TACC1: variants seen among roughly 807,000 people sequenced by gnomAD.
The protein encoded by TACC1 is transforming acidic coiled-coil-containing protein 1.
A neutral mutation model predicts 84.4 loss-of-function variants in TACC1; 48 were observed. The observed-to-expected ratio is 0.57, with a 90% CI of 0.45 to 0.72. The LOEUF (loss-of-function observed/expected upper bound fraction) is 0.72, where lower values mean the gene tolerates loss of function less well. Ranked by LOEUF, TACC1 falls within the 30% of genes least tolerant of loss-of-function variation. TACC1 has a pLI of 0.00. For synonymous variants in TACC1, 372 were observed against 376.3 expected (o/e 0.99, Z 0.13); for missense variants, 920 against 973.0 (o/e 0.95, Z 0.72).
intron 2 of TACC1, 99 bp downstream of exon 2, chr8:38,788,918 G>T: frequency 1.0e-6 from 1 of 987,806 alleles, no homozygotes; most frequent in South Asian, 1.7e-5. Flanking sequence ...GACCATTTAA[G>T]AGAGTTTGAC....
intron 2 of TACC1, among the ~76,000 whole-genome samples, chr8:38,742,899 G>C (rs1323856411): frequency 6.6e-6 from 1 of 152,120 alleles, no homozygotes; most frequent in African/African-American, 2.4e-5. Context: ...ATTTTTACTA[G>C]AGACAGGGTC....
At chr8:38,770,013 G>C (rs1430940176) in intron 3 of TACC1, among the ~76,000 whole-genome samples, 1 of 151,182 alleles carries the variant, frequency 6.6e-6, no homozygotes, top group Admixed American at 6.6e-5. Context: ...ACTGCTGGGG[G>C]AGGTGCATGT....
intron 3 of TACC1, among the ~76,000 whole-genome samples, chr8:38,773,292 T>C (rs1242024334): frequency 6.6e-6 from 1 of 151,846 alleles, no homozygotes; most frequent in African/African-American, 2.4e-5. Flanking sequence ...GCCACTGCAC[T>C]CTAGCCTGAA....
At chr8:38,791,656 G>C (rs1231402689) in intron 2 of TACC1, among the ~76,000 whole-genome samples, 2 of 152,148 alleles carry the variant, frequency 1.3e-5, no homozygotes, top group Non-Finnish European at 2.9e-5. Flanking sequence ...CAAAATTATT[G>C]ATTGTTTTGT....
intron 3 of TACC1, among the ~76,000 whole-genome samples, chr8:38,767,155 A>C (rs1812404064): frequency 6.6e-6 from 1 of 152,240 alleles, no homozygotes; most frequent in Non-Finnish European, 1.5e-5. Context: ...CTATGGCTAC[A>C]TCAGAATTGT....
intron 2 of TACC1, among the ~76,000 whole-genome samples, chr8:38,816,910 A>G (rs1825561460): frequency 6.6e-6 from 1 of 152,080 alleles, no homozygotes; most frequent in South Asian, 2.1e-4. Flanking sequence ...GACGGTGCTG[A>G]AAGTTGCAAC....
At chr8:38,814,019 T>A (rs1273803088) in intron 2 of TACC1, among the ~76,000 whole-genome samples, 1 of 152,224 alleles carries the variant, frequency 6.6e-6, no homozygotes. Flanking sequence ...CTTCTGTCTT[T>A]ATTTTATCCT....
chr8:38,754,048 G>T (rs1708820790), intron 3 of TACC1, among the ~76,000 whole-genome samples: 1 of 151,076 alleles, frequency 6.6e-6, no homozygotes, highest in African/African-American at 2.4e-5. Flanking sequence ...CTGCCTCCCG[G>T]GTTCAAGCGA....
In TACC1 at chr8:38,827,251, G is replaced by T. The variant is rs375522736; in HGVS notation, c.1536G>T (p.Thr512=). ...CTGATGAGGAGAAACTGGCATCCAC[G>T]TCATGTGGTCAGAAATCAGCTGGTG... ...HATDEEKLAS[T]SCGQKSAGAE... is the part of the protein sequence containing the mutation. Residue 512 remains threonine, a synonymous_variant, in exon 5 of 13, where the codon ACG becomes ACT. Transcript: ENST00000317827. The T allele has an allele frequency of 6.2e-7, 1 of 1,614,190 alleles. No homozygotes were observed.
intron 2 of TACC1, among the ~76,000 whole-genome samples, chr8:38,801,939 G>C (rs1821462779): frequency 6.6e-6 from 1 of 152,110 alleles, no homozygotes; most frequent in Non-Finnish European, 1.5e-5. Flanking sequence ...TTTGAGACAT[G>C]GTCTTGCTGT....
Position 38,826,415 on chromosome 8 carries a change from T to C in TACC1, c.1453-753T>C, listed in dbSNP as rs567815122. On this transcript the variant is annotated intron_variant, in intron 4 of 12. Coordinates refer to ENST00000317827, the MANE Select transcript of TACC1 (RefSeq NM_006283.3). ...GCAATAAAACATTTTGTAATTGATA[T>C]AACAACTTACTTTTGTGTCTGATAA... is the stretch of plus-strand genomic sequence containing the variant. 1.7e-3 allele frequency among the ~76,000 whole-genome samples: 252 copies of C among 152,338 alleles called. 5 individuals are homozygous for C. Among genetic ancestry groups the C allele is most frequent in the Admixed American group, 1.5e-3 (23 of 15,300 alleles).
chr8:38,737,118 G>A (rs1026066325), intron 1 of TACC1, among the ~76,000 whole-genome samples: 2 of 152,164 alleles, frequency 1.3e-5, no homozygotes, highest in Non-Finnish European at 2.9e-5. Context: ...AATTAGTCCT[G>A]ATGTGGGAAT....
intron 3 of TACC1, among the ~76,000 whole-genome samples, chr8:38,764,272 T>G (rs541274956): frequency 4.3e-4 from 65 of 152,118 alleles, no homozygotes; most frequent in Middle Eastern, 3.4e-3. Context: ...GAGACAGGGT[T>G]TCACCAAGTT....
intron 2 of TACC1, among the ~76,000 whole-genome samples, chr8:38,789,634 A>G (rs1317487667): frequency 1.3e-5 from 2 of 152,168 alleles, no homozygotes; most frequent in Non-Finnish European, 2.9e-5. Context: ...GGAAGGCTGA[A>G]GGGGAGTTAG....
At chr8:38,836,429 G>T in intron 7 of TACC1, 142 bp downstream of exon 7, 1 of 1,169,684 alleles carries the variant, frequency 8.5e-7, no homozygotes, top group Non-Finnish European at 1.2e-6. Context: ...GGTCGTAAAA[G>T]GGCCCCCTGT....
Position 38,742,545 on chromosome 8 carries a change from G to T in TACC1, c.-574+94G>T, listed in dbSNP as rs191683685. On this transcript the variant is annotated intron_variant, in intron 2 of 14. Coordinates refer to the TACC1 transcript ENST00000518415. Reference sequence around the variant, plus strand: ...GAAAAATAACAGATATGTAATCTTTGTATTTGGATTAAGTGTGAATGAAGG... The same window carrying T: ...GAAAAATAACAGATATGTAATCTTTTTATTTGGATTAAGTGTGAATGAAGG... 1.9e-3 allele frequency: 1,771 copies of T among 935,570 alleles called. 4 individuals are homozygous for T. Among genetic ancestry groups the T allele is most frequent in the Middle Eastern group, 4.8e-3 (22 of 4,572 alleles). The allele number at this position is 935,570 out of a possible 1,614,324, so 58.0% of individuals were successfully genotyped here.
At chr8:38,785,663 T>A (rs941048816), upstream of TACC1, 5 of 984,808 alleles carry the variant, frequency 5.1e-6, no homozygotes, top group African/African-American at 8.7e-5. Flanking sequence ...GCTGGGGTAA[T>A]ATTATTTCCC....
intron 3 of TACC1, chr8:38,823,880 T>G: frequency 1.2e-5 from 9 of 725,770 alleles, no homozygotes; most frequent in South Asian, 1.2e-4. Flanking sequence ...ATAGAAAGAA[T>G]TGTGCAGCTT....
chr8:38,761,705 A>G (rs1311770390), intron 3 of TACC1, among the ~76,000 whole-genome samples: 1 of 152,242 alleles, frequency 6.6e-6, no homozygotes, highest in African/African-American at 2.4e-5. Flanking sequence ...TTCTCAACAC[A>G]AAATATTTGT....
Sources: gnomAD v4.1 joint callset for allele counts (sites outside exome capture counted in the v4.1 genomes callset) on GRCh38, gnomAD v4.1.1 for gene constraint, MANE v1.5 for transcripts, NCBI Gene and HGNC (gene_info 2026-07-23, HGNC 2026-07-21) for gene names.